TMCC3: variants seen among roughly 807,000 people sequenced by gnomAD.
The protein encoded by TMCC3 is transmembrane and coiled-coil domain protein 3.
Under a neutral mutation model 40.2 loss-of-function variants are expected in TMCC3, and 28 were observed. That is an observed-to-expected ratio of 0.70 (90% CI 0.52 to 0.95). TMCC3 has a LOEUF of 0.95. Ranked by LOEUF, TMCC3 falls within the 40% of genes least tolerant of loss-of-function variation. The pLI, the probability that TMCC3 is intolerant of heterozygous loss-of-function variation, is 0.00. For synonymous variants in TMCC3, 255 were observed against 248.5 expected (o/e 1.03, Z -0.25); for missense variants, 554 against 615.2 (o/e 0.90, Z 1.05).
chr12:94,631,993 T>A (rs1447453780), intron 1 of TMCC3, among the ~76,000 whole-genome samples: 5 of 152,238 alleles, frequency 3.3e-5, no homozygotes, highest in Admixed American at 2.6e-4. Flanking sequence ...GAACTCCTGT[T>A]ACATGCAACA....
At chr12:94,642,776 T>C (rs2138886386) in intron 1 of TMCC3, among the ~76,000 whole-genome samples, 1 of 152,378 alleles carries the variant, frequency 6.6e-6, no homozygotes, top group South Asian at 2.1e-4. Context: ...TAGCAGGTGC[T>C]GGCACTCAAC....
At chr12:94,618,719 T>C (rs2068859873) in intron 1 of TMCC3, among the ~76,000 whole-genome samples, 1 of 152,166 alleles carries the variant, frequency 6.6e-6, no homozygotes, top group Non-Finnish European at 1.5e-5. Context: ...CTCTAGGATG[T>C]TTCTGAACTC....
intron 1 of TMCC3, among the ~76,000 whole-genome samples, chr12:94,607,534 T>C (rs2068790670): frequency 6.6e-6 from 1 of 152,202 alleles, no homozygotes; most frequent in East Asian, 1.9e-4. Context: ...TCACAATTTA[T>C]GTTCTGCCCA....
intron 3 of TMCC3, among the ~76,000 whole-genome samples, chr12:94,572,222 TCTCCTGAC>T (rs1164199262): frequency 2.6e-5 from 4 of 151,660 alleles, no homozygotes; most frequent in African/African-American, 7.3e-5. Context: ...AAGGTCTCGA[TCTCCTGAC>T]CTCGTGATCG....
intron 1 of TMCC3, among the ~76,000 whole-genome samples, chr12:94,637,254 A>T (rs972999483): frequency 6.6e-6 from 1 of 152,218 alleles, no homozygotes; most frequent in African/African-American, 2.4e-5. Context: ...ATAAAATGCA[A>T]TCATTGGGAG....
intron 1 of TMCC3, among the ~76,000 whole-genome samples, chr12:94,583,796 A>G (rs2068621616): frequency 6.6e-6 from 1 of 152,208 alleles, no homozygotes; most frequent in South Asian, 2.1e-4. Flanking sequence ...AAGTCATCCT[A>G]ACTGTAACCC....
chr12:94,630,959 C>T (rs891979561), intron 1 of TMCC3, among the ~76,000 whole-genome samples: 8 of 152,172 alleles, frequency 5.3e-5, no homozygotes, highest in Non-Finnish European at 2.9e-5. Context: ...AAACTCCTGA[C>T]CTCAAGTGAT....
At chr12:94,613,071 G>T (rs1313134073) in intron 1 of TMCC3, among the ~76,000 whole-genome samples, 2 of 149,688 alleles carry the variant, frequency 1.3e-5, no homozygotes, top group African/African-American at 2.5e-5. Flanking sequence ...GCACATTGGA[G>T]ATATATATAT....
At chr12:94,591,702 A>G (rs2068676904) in intron 1 of TMCC3, among the ~76,000 whole-genome samples, 1 of 152,100 alleles carries the variant, frequency 6.6e-6, no homozygotes, top group Non-Finnish European at 1.5e-5. Context: ...TGCAGTGAGC[A>G]TGAATCACGC....
chr12:94,632,061 G>A (rs114696497), intron 1 of TMCC3, among the ~76,000 whole-genome samples: 133 of 152,336 alleles, frequency 8.7e-4, no homozygotes, highest in African/African-American at 3.0e-3. Flanking sequence ...AAAAGGCTGC[G>A]TATCACATGA....
intron 1 of TMCC3, among the ~76,000 whole-genome samples, chr12:94,603,268 A>G: frequency 6.6e-6 from 1 of 151,970 alleles, no homozygotes. Flanking sequence ...TATTTTTAGT[A>G]GAGATGGGGT....
chr12:94,590,796 C>T lies in TMCC3; in HGVS notation c.79-8258G>A, dbSNP rs901132366. ...GTTGCTCCTGTGTTCTCAGGAGAGGCGGGAGACGGCGCAGGGTCTGAAACA... is the reference window on the plus strand; with the variant it reads ...GTTGCTCCTGTGTTCTCAGGAGAGGTGGGAGACGGCGCAGGGTCTGAAACA... On this transcript the variant is annotated intron_variant, in intron 1 of 3. Coordinates refer to ENST00000261226, the MANE Select transcript of TMCC3 (RefSeq NM_020698.4). 30 of 449,436 alleles carry T rather than the reference C, an allele frequency of 6.7e-5. No homozygotes were observed. In the East Asian group the frequency reaches 7.8e-4, roughly 12 times the overall value. The allele number at this position is 449,436 out of a possible 1,614,324, so 27.8% of individuals were successfully genotyped here. A position where few individuals can be genotyped will look rare whatever the true frequency, so the allele number is the denominator to read the frequency against.
chr12:94,635,669 T>TTG (rs1044835305), intron 1 of TMCC3, among the ~76,000 whole-genome samples: 2 of 142,634 alleles, frequency 1.4e-5, no homozygotes, highest in Non-Finnish European at 3.1e-5. Context: ...GGTTTTTTTT[T>TTG]TTTTTTTTTT....
intron 1 of TMCC3, among the ~76,000 whole-genome samples, chr12:94,617,351 G>A (rs998484114): frequency 5.3e-5 from 8 of 152,138 alleles, no homozygotes; most frequent in African/African-American, 1.9e-4. Flanking sequence ...CCCAGCTTCT[G>A]CCTCTTAGCA....
intron 1 of TMCC3, among the ~76,000 whole-genome samples, chr12:94,609,513 T>C (rs2068802475): frequency 6.6e-6 from 1 of 152,206 alleles, no homozygotes. Context: ...TCTTAGCAAC[T>C]TGATTTTTTG....
chr12:94,627,422 TG>T (rs1305276706), intron 1 of TMCC3, among the ~76,000 whole-genome samples: 1 of 152,204 alleles, frequency 6.6e-6, no homozygotes, highest in Non-Finnish European at 1.5e-5. Flanking sequence ...CAGGTCTACC[TG>T]GGCCAGCCCA....
At chr12:94,625,914 C>T (rs2068902101) in intron 1 of TMCC3, among the ~76,000 whole-genome samples, 1 of 152,168 alleles carries the variant, frequency 6.6e-6, no homozygotes, top group South Asian at 2.1e-4. Context: ...AAAATTTCCT[C>T]AGAATGTTGA....
At chr12:94,591,654 G>A (rs1392609382) in intron 1 of TMCC3, among the ~76,000 whole-genome samples, 1 of 152,148 alleles carries the variant, frequency 6.6e-6, no homozygotes, top group Non-Finnish European at 1.5e-5. Flanking sequence ...TACTCGGGAG[G>A]TTGAGGCACG....
rs765942113 is a variant in TMCC3, at chr12:94,581,914, T to A, written c.703A>T (p.Ser235Cys). The A allele has an allele frequency of 1.2e-6, 2 of 1,614,246 alleles. No homozygotes were observed. The highest frequency in any genetic ancestry group is 2.2e-5 in the South Asian group (2 of 91,088). ...GCGCTGCCCCCGTAGGCCCTGGCACTCGCCTCTGGCCTAAACTCCTCTAAG... is the reference window on the plus strand; with the variant it reads ...GCGCTGCCCCCGTAGGCCCTGGCACACGCCTCTGGCCTAAACTCCTCTAAG... ...NSLEEFRPEA[S>C]ARAYGGSATI... Residue 235 changes from serine (S) to cysteine (C), a missense_variant, in exon 2 of 4, where the codon AGT (serine) becomes TGT (cysteine). Coordinates refer to ENST00000261226, the MANE Select transcript of TMCC3 (RefSeq NM_020698.4).
Sources: allele counts gnomAD v4.1 joint callset (sites outside exome capture counted in the v4.1 genomes callset), GRCh38; gene constraint gnomAD v4.1.1; transcripts MANE v1.5; gene names NCBI Gene and HGNC (gene_info 2026-07-23, HGNC 2026-07-21).